FAM124A: variants seen among roughly 807,000 people sequenced by gnomAD.
FAM124A encodes protein FAM124A.
Under a neutral mutation model 24.5 loss-of-function variants are expected in FAM124A, and 23 were observed. The observed-to-expected ratio is 0.94, with a 90% CI of 0.68 to 1.33. The LOEUF is 1.33. Ranked by LOEUF, FAM124A falls within the 40% of genes most tolerant of loss-of-function variation. FAM124A has a pLI of 0.00. For missense variants in FAM124A, 623 were observed against 722.8 expected, an observed-to-expected ratio of 0.86 and a Z score of 1.58; for synonymous variants, 287 against 314.7, an observed-to-expected ratio of 0.91 and a Z score of 0.93.
At chr13:51,247,185 G>A (rs1003815349) in intron 2 of FAM124A, among the ~76,000 whole-genome samples, 7 of 152,222 alleles carry the variant, frequency 4.6e-5, no homozygotes, top group African/African-American at 1.4e-4. Flanking sequence ...CGTGCAGAGG[G>A]GCCAGGCGGG....
intron 3 of FAM124A, among the ~76,000 whole-genome samples, chr13:51,275,106 C>T (rs1954873969): frequency 6.6e-6 from 1 of 151,880 alleles, no homozygotes; most frequent in Non-Finnish European, 1.5e-5. Context: ...GGCATGATGG[C>T]TCATGCCTGA....
At chr13:51,226,900 C>T (rs1460356694) in intron 1 of FAM124A, among the ~76,000 whole-genome samples, 1 of 152,272 alleles carries the variant, frequency 6.6e-6, no homozygotes, top group East Asian at 1.9e-4. Context: ...TCAGTTTCCT[C>T]CTCTGTACAA....
At position 51,252,206 on chromosome 13, in the gene FAM124A, T is replaced by G; in HGVS notation, c.834+5T>G. The G allele has an allele frequency of 5.6e-6, 9 of 1,610,730 alleles. No individual in the cohort carries two copies. Among genetic ancestry groups the G allele is most frequent in the Non-Finnish European group, 7.6e-6 (9 of 1,178,862 alleles). ...GGGAACAAGATCCTCCTACAGGTAC[T>G]GGGGGGACGCCTGTCTGTCTGTTTA... On this transcript the variant is annotated splice_donor_5th_base_variant and intron_variant, in intron 3 of 3. Coordinates refer to ENST00000322475, the MANE Select transcript of FAM124A (RefSeq NM_001242312.2).
rs916959577 is a variant in FAM124A at position 51,258,830 on chromosome 13, C to A, written c.834+6629C>A. Among the ~76,000 whole-genome samples the A allele has an allele frequency of 2.0e-5, 3 of 152,198 alleles. No homozygotes were observed. The highest frequency in any genetic ancestry group is 4.4e-5 in the Non-Finnish European group (3 of 68,032). On this transcript the variant is annotated intron_variant, in intron 3 of 3. Transcript: ENST00000322475. This position sits in a 1 kb window ranked among gnomAD's most constrained non-coding sequence, Gnocchi z 4.2. ...ATGACCCGGGAATGGCAACCGTTAC[C>A]ACACACAGGTGGATGGGTTCACGTG...
At chr13:51,257,161 T>C (rs190789590) in intron 3 of FAM124A, among the ~76,000 whole-genome samples, 105 of 152,372 alleles carry the variant, frequency 6.9e-4, no homozygotes, top group Admixed American at 2.1e-3. Flanking sequence ...TAAATGCCTC[T>C]TCAATATCCT....
At chr13:51,247,474 G>T (rs1004988627) in intron 2 of FAM124A, among the ~76,000 whole-genome samples, 1 of 152,194 alleles carries the variant, frequency 6.6e-6, no homozygotes, top group African/African-American at 2.4e-5. Flanking sequence ...AGAACATGGA[G>T]AAAGCACCCA....
In FAM124A at chr13:51,281,524, A is replaced by T; in HGVS notation, c.*268A>T. 1 of 371,476 alleles carries T rather than the reference A, an allele frequency of 2.7e-6. No homozygotes were observed. Among genetic ancestry groups the T allele is most frequent in the Non-Finnish European group, 4.8e-6 (1 of 208,620 alleles). The allele number at this position is 371,476 out of a possible 1,614,324, so 23.0% of individuals were successfully genotyped here. A position where few individuals can be genotyped will look rare whatever the true frequency, so the allele number is the denominator to read the frequency against. ...ATATTCAGCATTTGAGGTATGGTTT[A>T]GTGGGTTTATACAATTTAAATGGCT... On this transcript the variant is annotated 3_prime_UTR_variant, in exon 4 of 4. Coordinates refer to ENST00000322475, the MANE Select transcript of FAM124A (RefSeq NM_001242312.2).
At chr13:51,268,603 A>C (rs1377105667) in intron 3 of FAM124A, among the ~76,000 whole-genome samples, 2 of 152,182 alleles carry the variant, frequency 1.3e-5, no homozygotes, top group South Asian at 2.1e-4. Flanking sequence ...GAACAGGTGC[A>C]ACTGGGACCT....
intron 1 of FAM124A, among the ~76,000 whole-genome samples, 183 bp downstream of exon 1, chr13:51,222,752 G>A (rs1033819655): frequency 5.9e-5 from 9 of 152,126 alleles, no homozygotes; most frequent in Admixed American, 6.5e-5. Context: ...GGCACCACCC[G>A]GGGGGAGGAA....
At chr13:51,243,683 G>T (rs527874199) in intron 2 of FAM124A, among the ~76,000 whole-genome samples, 1 of 152,064 alleles carries the variant, frequency 6.6e-6, no homozygotes, top group East Asian at 1.9e-4. Context: ...ACAGGCGCCC[G>T]CCACCACACC....
At chr13:51,256,622 T>C (rs1283095463) in intron 3 of FAM124A, among the ~76,000 whole-genome samples, 1 of 152,204 alleles carries the variant, frequency 6.6e-6, no homozygotes, top group Admixed American at 6.5e-5. Context: ...GAGAGACAGA[T>C]GCCACTGGGG....
rs1954850753 is a variant in FAM124A, at chr13:51,272,738, C to T, written c.835-7712C>T. Among the ~76,000 whole-genome samples, 1 of 152,134 alleles carries T rather than the reference C, an allele frequency of 6.6e-6. No homozygotes were observed. The highest frequency in any genetic ancestry group is 1.5e-5 in the Non-Finnish European group (1 of 68,024). Reference sequence around the variant, plus strand: ...GTGCTAGACCGCAGGACGCCAAGCACAGTCAAGGTGGGAGTGCCATACTGG... The same window carrying T: ...GTGCTAGACCGCAGGACGCCAAGCATAGTCAAGGTGGGAGTGCCATACTGG... On this transcript the variant is annotated intron_variant, in intron 3 of 3. Coordinates refer to ENST00000322475, the MANE Select transcript of FAM124A (RefSeq NM_001242312.2). This position sits in a 1 kb window ranked among gnomAD's most constrained non-coding sequence, Gnocchi z 4.2.
intron 2 of FAM124A, among the ~76,000 whole-genome samples, chr13:51,232,619 C>G (rs1194631295): frequency 6.6e-6 from 1 of 152,146 alleles, no homozygotes; most frequent in Non-Finnish European, 1.5e-5. Flanking sequence ...AATGTTGCCC[C>G]TTAGTTATTA....
chr13:51,234,531 A>G (rs910043653), intron 2 of FAM124A, among the ~76,000 whole-genome samples: 2 of 151,808 alleles, frequency 1.3e-5, no homozygotes, highest in African/African-American at 4.8e-5. Flanking sequence ...TGGGTCATTC[A>G]CCCTCTCTGG....
chr13:51,245,263 C>G (rs1186408914), intron 2 of FAM124A: 14 of 604,338 alleles, frequency 2.3e-5, no homozygotes, highest in Non-Finnish European at 4.2e-5. Context: ...GCCATTTGCA[C>G]AGCATGTGAA....
intron 2 of FAM124A, among the ~76,000 whole-genome samples, chr13:51,236,358 TTC>T (rs1167331572): frequency 1.6e-4 from 24 of 152,258 alleles, no homozygotes; most frequent in Admixed American, 1.6e-3. Context: ...AGCTGTCTCT[TTC>T]CACATAAATG....
chr13:51,243,621 C>A (rs544019747), intron 2 of FAM124A, among the ~76,000 whole-genome samples: 1 of 152,242 alleles, frequency 6.6e-6, no homozygotes, highest in African/African-American at 2.4e-5. Flanking sequence ...GCAACCACTA[C>A]CTCCAGGGTT....
At position 51,224,654 on chromosome 13, in the gene FAM124A, C is replaced by G. The variant is rs536980796; in HGVS notation, c.68+2085C>G. ...TCCAGAGCTTGCCCCCACCCCTTAC[C>G]CTATCCAGCTTTCACAGAGATTATG... On this transcript the variant is annotated intron_variant, in intron 1 of 3. Transcript: ENST00000322475. Among the ~76,000 whole-genome samples the G allele has an allele frequency of 5.9e-5, 9 of 152,308 alleles. No individual in the cohort carries two copies. The South Asian group carries it at 1.7e-3, about 28-fold the overall frequency.
chr13:51,250,188 A>G (rs1401867215), intron 2 of FAM124A, among the ~76,000 whole-genome samples: 1 of 152,002 alleles, frequency 6.6e-6, no homozygotes, highest in Non-Finnish European at 1.5e-5. Context: ...TACCTACCAT[A>G]AAAAAATTTT....
Sources: allele counts gnomAD v4.1 joint callset (sites outside exome capture counted in the v4.1 genomes callset), GRCh38; gene constraint gnomAD v4.1.1; non-coding constraint Gnocchi (gnomAD v3.1); transcripts MANE v1.5; gene names NCBI Gene and HGNC (gene_info 2026-07-23, HGNC 2026-07-21).